The following EYS variants were observed in gnomAD, a reference collection of about 807,000 sequenced individuals.
EYS encodes the protein protein eyes shut homolog.
A neutral mutation model predicts 282.1 loss-of-function variants in EYS; 250 were observed. That is an observed-to-expected ratio of 0.89 (90% confidence interval 0.80 to 0.98). The LOEUF (loss-of-function observed/expected upper bound fraction) is 0.98. Among genes scored for constraint, EYS ranks in the 50% least tolerant of loss-of-function variants. EYS has a pLI of 0.00. For synonymous variants in EYS, 1,355 were observed against 1,282.9 expected (o/e 1.06, Z -1.20); for missense variants, 4,016 against 3,709.0 (o/e 1.08, Z -2.15).
chr6:63,753,334 C>A (rs962807260), intron 41 of EYS, among the ~76,000 whole-genome samples: 1 of 151,678 alleles, frequency 6.6e-6, no homozygotes, highest in Non-Finnish European at 1.5e-5. Flanking sequence ...TGATTATGTA[C>A]ATGTGTCATC....
chr6:64,548,030 C>T (rs144628018), intron 26 of EYS, among the ~76,000 whole-genome samples: 7 of 152,316 alleles, frequency 4.6e-5, no homozygotes, highest in East Asian at 1.9e-4. Flanking sequence ...CCCTGGTTCC[C>T]GCCTGCGCCT....
chr6:65,081,899 T>C (rs927953881), intron 12 of EYS, among the ~76,000 whole-genome samples: 13 of 152,042 alleles, frequency 8.6e-5, no homozygotes, highest in Non-Finnish European at 1.6e-4. Flanking sequence ...TGACTATCAT[T>C]AGGGCTGTCA....
intron 36 of EYS, among the ~76,000 whole-genome samples, chr6:63,848,511 A>T (rs1028294733): frequency 1.3e-5 from 2 of 151,740 alleles, no homozygotes; most frequent in Non-Finnish European, 2.9e-5. Flanking sequence ...GACTGGTTAG[A>T]CAGTGGGTGC....
intron 34 of EYS, among the ~76,000 whole-genome samples, chr6:63,994,279 C>T (rs955673653): frequency 1.3e-5 from 2 of 151,886 alleles, no homozygotes; most frequent in Non-Finnish European, 2.9e-5. Flanking sequence ...AATTCTGATA[C>T]ATCAGTCTAG....
In EYS at chr6:65,014,500, C is replaced by T. The variant is rs1402054217; in HGVS notation, c.2138-16797G>A. Among the ~76,000 whole-genome samples the T allele has an allele frequency of 3.3e-5, 5 of 152,034 alleles. No homozygotes were observed. The East Asian group carries it at 9.7e-4, about 29-fold the overall frequency. ...CTGAACAGGTGATATTTGGAGTGAG[C>T]CCTAAGGAATCATCACACATTATCG... On this transcript the variant is annotated intron_variant, in intron 13 of 42. Transcript: ENST00000503581.
intron 31 of EYS, among the ~76,000 whole-genome samples, chr6:64,113,528 T>G (rs1051069831): frequency 1.3e-5 from 2 of 152,180 alleles, no homozygotes; most frequent in African/African-American, 4.8e-5. Context: ...ACTTTTGCAC[T>G]TATAGAATAA....
chr6:64,133,376 A>G (rs1489007794), intron 31 of EYS, among the ~76,000 whole-genome samples: 1 of 151,824 alleles, frequency 6.6e-6, no homozygotes, highest in Non-Finnish European at 1.5e-5. Context: ...CTCCCTACAT[A>G]TCTATAGAAA....
intron 22 of EYS, among the ~76,000 whole-genome samples, chr6:64,755,716 G>A (rs796664421): frequency 5.9e-5 from 9 of 152,150 alleles, no homozygotes; most frequent in African/African-American, 2.2e-4. Flanking sequence ...CATAGAGAGT[G>A]GAATAATAGA....
chr6:64,109,699 T>C (rs1464074032), intron 31 of EYS, among the ~76,000 whole-genome samples: 1 of 152,152 alleles, frequency 6.6e-6, no homozygotes, highest in Non-Finnish European at 1.5e-5. Flanking sequence ...AAAGGTTCAG[T>C]AGTACAGTTC....
intron 12 of EYS, among the ~76,000 whole-genome samples, chr6:65,130,608 G>C (rs1048743193): frequency 7.9e-5 from 12 of 151,660 alleles, no homozygotes; most frequent in African/African-American, 2.4e-4. Context: ...AATGAGAACA[G>C]ATGGACTTAT....
At chr6:64,070,180 T>C (rs984138877) in intron 32 of EYS, among the ~76,000 whole-genome samples, 2 of 152,126 alleles carry the variant, frequency 1.3e-5, no homozygotes, top group Admixed American at 6.6e-5. Context: ...AATCTAAAAG[T>C]GTATTAATGA....
At chr6:63,832,990 G>A (rs1253960700) in intron 36 of EYS, among the ~76,000 whole-genome samples, 3 of 152,146 alleles carry the variant, frequency 2.0e-5, no homozygotes, top group Non-Finnish European at 4.4e-5. Context: ...AATAGATGCA[G>A]AAAAGGCCTT....
At chr6:64,296,588 ATATATATATATTTTTTTT>A (rs1561913845) in intron 30 of EYS, among the ~76,000 whole-genome samples, 6 of 3,526 alleles carry the variant, frequency 1.7e-3, no homozygotes, top group Admixed American at 5.8e-3. Flanking sequence ...ATATATACAT[ATATATATATATTTTTTTT>A]TTTTTTTTTT....
chr6:64,955,926 C>T (rs941393547), intron 14 of EYS, among the ~76,000 whole-genome samples: 3 of 152,184 alleles, frequency 2.0e-5, no homozygotes, highest in African/African-American at 7.2e-5. Flanking sequence ...GCCTTACTCA[C>T]TCTCTGGTGT....
chr6:63,743,729 T>G (rs1430499033), intron 41 of EYS, among the ~76,000 whole-genome samples: 2 of 152,224 alleles, frequency 1.3e-5, no homozygotes, highest in Non-Finnish European at 2.9e-5. Flanking sequence ...AGAGTCATTC[T>G]TACTAAGATT....
At chr6:65,407,743 CCG>C (rs1491582665) in intron 5 of EYS, among the ~76,000 whole-genome samples, 1 of 98,768 alleles carries the variant, frequency 1.0e-5, no homozygotes, top group Non-Finnish European at 2.0e-5. Context: ...ACTAATAAGT[CCG>C]TGTGTGTGTG....
intron 26 of EYS, among the ~76,000 whole-genome samples, chr6:64,449,602 G>A (rs533709791): frequency 6.6e-6 from 1 of 152,274 alleles, no homozygotes; most frequent in Non-Finnish European, 1.5e-5. Flanking sequence ...AGGGTAACCA[G>A]AGAGAAAGGT....
chr6:65,129,393 A>T (rs1403529869), intron 12 of EYS, among the ~76,000 whole-genome samples: 1 of 152,026 alleles, frequency 6.6e-6, no homozygotes, highest in Non-Finnish European at 1.5e-5. Flanking sequence ...AACCTACAGA[A>T]TGGGGAAAAT....
chr6:64,902,053 T>C, intron 18 of EYS, 60 bp downstream of exon 18: 1 of 1,146,554 alleles, frequency 8.7e-7, no homozygotes, highest in Non-Finnish European at 1.2e-6. Context: ...ACATGTGTGC[T>C]CACTTTCTTG....
Sources: allele counts gnomAD v4.1 joint callset (sites outside exome capture counted in the v4.1 genomes callset), GRCh38; gene constraint gnomAD v4.1.1; transcripts MANE v1.5; gene names NCBI Gene and HGNC (gene_info 2026-07-23, HGNC 2026-07-21).